The following SGCZ variants were observed in gnomAD, a reference collection of about 807,000 sequenced individuals.
SGCZ encodes sarcoglycan zeta.
SGCZ carries 40 observed loss-of-function variants against 41.3 expected under a neutral mutation model. That is an observed-to-expected ratio of 0.97 (90% CI 0.75 to 1.26). SGCZ has a LOEUF of 1.26. Among genes scored for constraint, SGCZ ranks in the 50% most tolerant of loss-of-function variants. The pLI is 0.00. For synonymous variants in SGCZ, 206 were observed against 137.5 expected, an observed-to-expected ratio of 1.50 and a Z score of -3.49; for missense variants, 552 against 369.8, an observed-to-expected ratio of 1.49 and a Z score of -4.04.
chr8:14,523,206 T>C (rs1030120304), intron 2 of SGCZ, among the ~76,000 whole-genome samples: 1 of 152,026 alleles, frequency 6.6e-6, no homozygotes, highest in African/African-American at 2.4e-5. Context: ...TTTAGAAAAC[T>C]CTAGAAAAGA....
intron 2 of SGCZ, among the ~76,000 whole-genome samples, chr8:14,347,553 A>G (rs1802931704): frequency 6.6e-6 from 1 of 151,434 alleles, no homozygotes; most frequent in East Asian, 1.9e-4. Context: ...TTTGTATTTA[A>G]TTTTTTTCTC....
chr8:14,270,642 T>C (rs1800026360), intron 3 of SGCZ, among the ~76,000 whole-genome samples: 1 of 152,072 alleles, frequency 6.6e-6, no homozygotes, highest in Non-Finnish European at 1.5e-5. Context: ...TTCCTTAAAA[T>C]GGGAAAAATG....
chr8:14,820,584 C>T (rs572705736), intron 1 of SGCZ, among the ~76,000 whole-genome samples: 1 of 152,154 alleles, frequency 6.6e-6, no homozygotes, highest in South Asian at 2.1e-4. Flanking sequence ...GGATAGATTA[C>T]ATGTTAGATC....
chr8:14,816,413 G>A (rs1801904557), intron 1 of SGCZ, among the ~76,000 whole-genome samples: 1 of 152,126 alleles, frequency 6.6e-6, no homozygotes, highest in South Asian at 2.1e-4. Flanking sequence ...GACTTCACTG[G>A]TTAGTCAGAA....
At chr8:14,732,175 A>G (rs1454096568) in intron 1 of SGCZ, among the ~76,000 whole-genome samples, 2 of 152,134 alleles carry the variant, frequency 1.3e-5, no homozygotes, top group East Asian at 1.9e-4. Context: ...CTCACTCTCT[A>G]TAACTCTCTT....
At chr8:14,180,936 C>G (rs1424548279) in intron 4 of SGCZ, among the ~76,000 whole-genome samples, 1 of 151,764 alleles carries the variant, frequency 6.6e-6, no homozygotes, top group African/African-American at 2.4e-5. Context: ...TCCAGCTATA[C>G]TTGATAGAAA....
intron 1 of SGCZ, among the ~76,000 whole-genome samples, chr8:15,140,811 T>C (rs1808292478): frequency 6.6e-6 from 1 of 152,154 alleles, no homozygotes; most frequent in African/African-American, 2.4e-5. Flanking sequence ...TCAAAATCCA[T>C]TCATTTCTAT....
chr8:14,621,591 G>T (rs1806287707), intron 1 of SGCZ, among the ~76,000 whole-genome samples: 2 of 152,064 alleles, frequency 1.3e-5, no homozygotes, highest in Admixed American at 6.6e-5. Flanking sequence ...AACGCCTCAA[G>T]AAAATTACAA....
intron 2 of SGCZ, among the ~76,000 whole-genome samples, chr8:14,525,562 GA>G (rs1411435054): frequency 6.6e-6 from 1 of 151,978 alleles, no homozygotes; most frequent in African/African-American, 2.4e-5. Flanking sequence ...TTTCTCATTT[GA>G]GATCCCACTC....
intron 2 of SGCZ, among the ~76,000 whole-genome samples, chr8:14,481,832 G>C (rs1585573353): frequency 6.6e-6 from 1 of 152,248 alleles, no homozygotes; most frequent in African/African-American, 2.4e-5. Context: ...TAAACAGCTG[G>C]AAAACTAGAC....
chr8:14,408,735 T>G (rs575771301), intron 2 of SGCZ, among the ~76,000 whole-genome samples: 2 of 152,248 alleles, frequency 1.3e-5, no homozygotes, highest in East Asian at 1.9e-4. Context: ...GCTTCTGTAC[T>G]CTTTTATTAT....
chr8:14,594,338 A>T (rs901703623), intron 1 of SGCZ, among the ~76,000 whole-genome samples: 5 of 151,930 alleles, frequency 3.3e-5, no homozygotes, highest in African/African-American at 1.2e-4. Flanking sequence ...TGGTCCAGGT[A>T]CCTAACCTTA....
At chr8:14,595,400 AAC>A (rs34287378) in intron 1 of SGCZ, among the ~76,000 whole-genome samples, 3,304 of 136,320 alleles carry the variant, frequency 0.024, 90 homozygotes, top group African/African-American at 0.056. Flanking sequence ...AACATGCACA[AAC>A]ACACACACAC....
intron 1 of SGCZ, among the ~76,000 whole-genome samples, chr8:14,673,331 CCCCATGCTATTCT>C (rs1672418138): frequency 6.6e-6 from 1 of 152,142 alleles, no homozygotes; most frequent in Non-Finnish European, 1.5e-5. Context: ...GGGTGGTTTC[CCCCATGCTATTCT>C]CATGATAATG....
intron 5 of SGCZ, among the ~76,000 whole-genome samples, chr8:14,110,888 C>G (rs1260834059): frequency 2.0e-5 from 3 of 152,034 alleles, no homozygotes; most frequent in Admixed American, 6.6e-5. Flanking sequence ...ATCCTCTCCT[C>G]TCTACTAAAA....
chr8:14,934,725 T>A (rs1436439942), intron 1 of SGCZ, among the ~76,000 whole-genome samples: 2 of 151,608 alleles, frequency 1.3e-5, no homozygotes, highest in African/African-American at 4.9e-5. Context: ...AGATATAAAT[T>A]TTTAAATTCA....
At chr8:14,396,173 T>A (rs956463464) in intron 2 of SGCZ, among the ~76,000 whole-genome samples, 3 of 152,176 alleles carry the variant, frequency 2.0e-5, no homozygotes, top group African/African-American at 7.2e-5. Flanking sequence ...CTGGGAAGAT[T>A]ATTTAAGTCC....
chr8:14,234,828 T>A (rs886579019), intron 4 of SGCZ, among the ~76,000 whole-genome samples: 1 of 152,206 alleles, frequency 6.6e-6, no homozygotes, highest in Admixed American at 6.5e-5. Flanking sequence ...TATTCTTACA[T>A]AATTGAAGAG....
intron 2 of SGCZ, among the ~76,000 whole-genome samples, chr8:14,468,207 G>C (rs996179202): frequency 6.6e-6 from 1 of 151,862 alleles, no homozygotes; most frequent in African/African-American, 2.4e-5. Context: ...GAGTTCATCA[G>C]CATAATACAG....
Sources: gnomAD v4.1 joint callset for allele counts (sites outside exome capture counted in the v4.1 genomes callset) on GRCh38, gnomAD v4.1.1 for gene constraint, MANE v1.5 for transcripts, NCBI Gene and HGNC (gene_info 2026-07-23, HGNC 2026-07-21) for gene names.